RAPGEF2: variants seen among roughly 807,000 people sequenced by gnomAD.
RAPGEF2 encodes Rap guanine nucleotide exchange factor 2, also known as PDZ domain containing guanine nucleotide exchange factor (GEF) 1.
RAPGEF2 carries 54 observed loss-of-function variants against 186.7 expected under a neutral mutation model. The observed-to-expected ratio is 0.29, with a 90% CI of 0.23 to 0.36. RAPGEF2 has a LOEUF of 0.36. Ranked by LOEUF, RAPGEF2 falls within the 10% of genes least tolerant of loss-of-function variation. The probability of loss-of-function intolerance (pLI) is 1.00; values close to 1 mark genes in which losing one functional copy is unlikely to be tolerated. For synonymous variants in RAPGEF2, 712 were observed against 705.9 expected, an observed-to-expected ratio of 1.01 and a Z score of -0.14; for missense variants, 1,532 against 2,045.0, an observed-to-expected ratio of 0.75 and a Z score of 4.84.
At chr4:159,184,883 A>G (rs1747401534) in intron 1 of RAPGEF2, among the ~76,000 whole-genome samples, 2 of 152,172 alleles carry the variant, frequency 1.3e-5, no homozygotes, top group Admixed American at 6.5e-5. Flanking sequence ...TAGGTCTAAC[A>G]TTTAAGTCTT....
chr4:159,280,864 T>C (rs532749898), intron 7 of RAPGEF2, among the ~76,000 whole-genome samples: 173 of 152,306 alleles, frequency 1.1e-3, no homozygotes, highest in African/African-American at 3.8e-3. Context: ...GAAAGAACTA[T>C]TCCAACTAGG....
Position 159,284,751 on chromosome 4 carries a change from T to C in RAPGEF2, c.544-19591T>C, listed in dbSNP as rs188377354. 5.6e-3 allele frequency among the ~76,000 whole-genome samples: 856 copies of C among 152,336 alleles called. 8 individuals carry two copies. Among genetic ancestry groups the C allele is most frequent in the Non-Finnish European group, 9.2e-3 (629 of 68,036 alleles). The stretch of plus-strand genomic sequence containing the variant: ...TCTTGAAAATTGTTTAAAGACATCT[T>C]TCCTTAACTTACTCTTCTACCTGGG... On this transcript the variant is annotated intron_variant, in intron 7 of 29. Coordinates refer to ENST00000691494, the MANE Select transcript of RAPGEF2 (RefSeq NM_001394067.2).
At chr4:159,125,533 C>A (rs752380397) in intron 1 of RAPGEF2, among the ~76,000 whole-genome samples, 2 of 151,862 alleles carry the variant, frequency 1.3e-5, no homozygotes, top group African/African-American at 2.4e-5. Flanking sequence ...CTGGGGTGGG[C>A]GGAACATGAG....
intron 7 of RAPGEF2, among the ~76,000 whole-genome samples, chr4:159,265,032 G>GGCA (rs1403283779): frequency 1.3e-5 from 2 of 152,132 alleles, no homozygotes; most frequent in African/African-American, 4.8e-5. Context: ...TCTACCGTTT[G>GGCA]GCAACAGTTT....
In RAPGEF2 at chr4:159,343,144, C is replaced by A. The variant is rs1345974484; in HGVS notation, c.3084C>A (p.Ile1028=). The A allele has an allele frequency of 1.9e-6, 3 of 1,613,964 alleles. No individual in the cohort carries two copies. Among genetic ancestry groups the A allele is most frequent in the African/African-American group, 1.3e-5 (1 of 74,900 alleles). The change falls in exon 21 of 30, where the codon ATC becomes ATA. Residue 1028 remains isoleucine, a synonymous_variant. Coordinates refer to ENST00000691494, the MANE Select transcript of RAPGEF2 (RefSeq NM_001394067.2). ...LNSQNLQPPI[I]PLFPVIKKDL... ...GTCAAAATCTACAACCTCCCATAAT[C>A]CCTCTATTCCCAGTTATCAAAAAGG...
chr4:159,317,539 A>C (rs996290109), intron 9 of RAPGEF2, among the ~76,000 whole-genome samples: 1 of 152,158 alleles, frequency 6.6e-6, no homozygotes, highest in Non-Finnish European at 1.5e-5. Flanking sequence ...CTGAAGACTT[A>C]GGTTTGTACT....
intron 3 of RAPGEF2, among the ~76,000 whole-genome samples, chr4:159,198,342 TTC>T (rs1425244635): frequency 4.9e-5 from 7 of 141,828 alleles, no homozygotes; most frequent in Non-Finnish European, 7.7e-5. Context: ...TTCTTTTTCT[TTC>T]TCTCTCTTTC....
intron 11 of RAPGEF2, among the ~76,000 whole-genome samples, chr4:159,323,867 C>T (rs370673981): frequency 6.8e-6 from 1 of 146,756 alleles, no homozygotes; most frequent in Non-Finnish European, 1.5e-5. Context: ...TACAGGCAAT[C>T]GCCACCACAC....
At chr4:159,162,270 G>T (rs1744795684) in intron 1 of RAPGEF2, among the ~76,000 whole-genome samples, 1 of 146,242 alleles carries the variant, frequency 6.8e-6, no homozygotes, top group Non-Finnish European at 1.5e-5. Context: ...TGTACTTGTA[G>T]TCCCAAGTAG....
intron 1 of RAPGEF2, among the ~76,000 whole-genome samples, chr4:159,157,343 G>GA (rs1744234858): frequency 1.3e-5 from 2 of 151,586 alleles, no homozygotes; most frequent in African/African-American, 4.9e-5. Flanking sequence ...AGTGGTGATT[G>GA]AAAAAAAAGA....
intron 7 of RAPGEF2, among the ~76,000 whole-genome samples, chr4:159,271,922 A>G (rs1253255906): frequency 6.6e-6 from 1 of 152,180 alleles, no homozygotes; most frequent in Non-Finnish European, 1.5e-5. Flanking sequence ...AATAGTTGCC[A>G]TTTAGCCCAT....
chr4:159,261,371 T>C (rs1372733823), intron 7 of RAPGEF2, among the ~76,000 whole-genome samples: 2 of 152,180 alleles, frequency 1.3e-5, no homozygotes, highest in Non-Finnish European at 2.9e-5. Flanking sequence ...TGAAAAAGGT[T>C]AATTATTAAG....
chr4:159,190,197 T>C (rs1277729136), intron 2 of RAPGEF2, among the ~76,000 whole-genome samples: 1 of 152,200 alleles, frequency 6.6e-6, no homozygotes, highest in Non-Finnish European at 1.5e-5. Context: ...TGTAGAAGTA[T>C]AGCAAATAGC....
chr4:159,242,976 G>A (rs1177232333), intron 6 of RAPGEF2, among the ~76,000 whole-genome samples: 3 of 151,872 alleles, frequency 2.0e-5, no homozygotes, highest in Admixed American at 6.6e-5. Context: ...CACTTTAGTT[G>A]GGTGGGCCAT....
At chr4:159,268,049 T>A (rs1044935564) in intron 7 of RAPGEF2, 1 of 513,384 alleles carries the variant, frequency 1.9e-6, no homozygotes, top group African/African-American at 4.6e-5. Flanking sequence ...CCCTCCTCCC[T>A]TTTTTTTTTT....
intron 7 of RAPGEF2, among the ~76,000 whole-genome samples, chr4:159,257,535 G>A (rs1756328232): frequency 6.6e-6 from 1 of 152,182 alleles, no homozygotes; most frequent in Admixed American, 6.5e-5. Flanking sequence ...TGTAAAATGA[G>A]ATTTGGTTGG....
intron 7 of RAPGEF2, among the ~76,000 whole-genome samples, chr4:159,254,622 T>TTTA (rs1554018992): frequency 2.7e-5 from 4 of 149,322 alleles, no homozygotes; most frequent in Non-Finnish European, 4.5e-5. Flanking sequence ...TTTTTTTTTT[T>TTTA]AAATGAGACA....
At chr4:159,124,542 G>A (rs1327494044) in intron 1 of RAPGEF2, among the ~76,000 whole-genome samples, 1 of 151,838 alleles carries the variant, frequency 6.6e-6, no homozygotes, top group Non-Finnish European at 1.5e-5. Flanking sequence ...CCGTCTAAAA[G>A]AGAAAAAAAA....
At chr4:159,140,487 T>C (rs1276460668) in intron 1 of RAPGEF2, among the ~76,000 whole-genome samples, 1 of 152,234 alleles carries the variant, frequency 6.6e-6, no homozygotes, top group Non-Finnish European at 1.5e-5. Context: ...GATGTCTCTT[T>C]GTAATTGCCA....
Sources: allele counts gnomAD v4.1 joint callset (sites outside exome capture counted in the v4.1 genomes callset), GRCh38; gene constraint gnomAD v4.1.1; transcripts MANE v1.5; gene names NCBI Gene and HGNC (gene_info 2026-07-23, HGNC 2026-07-21).